EBF3: variants seen among roughly 807,000 people sequenced by gnomAD.
EBF3 encodes transcription factor COE3.
A neutral mutation model predicts 77.1 loss-of-function variants in EBF3; 18 were observed. The ratio of observed to expected loss-of-function variants is 0.23; its 90% CI spans 0.16 to 0.35. EBF3 has a LOEUF of 0.35. Ranked by LOEUF, EBF3 falls within the 10% of genes least tolerant of loss-of-function variation. EBF3 has a pLI of 1.00. For missense variants in EBF3, 558 were observed against 860.0 expected (o/e 0.65, Z 4.39); for synonymous variants, 350 against 343.5 (o/e 1.02, Z -0.21).
At chr10:129,840,189 CAT>C in intron 15 of EBF3, 54 bp downstream of exon 15, 221 of 1,470,598 alleles carry the variant, frequency 1.5e-4, no homozygotes, top group Non-Finnish European at 1.8e-4. Flanking sequence ...CCCCCACTCC[CAT>C]CCCCACCCCT....
At chr10:129,876,291 G>A (rs925659917) in intron 7 of EBF3, among the ~76,000 whole-genome samples, 8 of 152,216 alleles carry the variant, frequency 5.3e-5, no homozygotes, top group African/African-American at 1.4e-4. Flanking sequence ...TAGTAACTAC[G>A]GGGTCTGCAG....
At chr10:129,924,538 G>A (rs1423462250) in intron 6 of EBF3, among the ~76,000 whole-genome samples, 11 of 152,068 alleles carry the variant, frequency 7.2e-5, no homozygotes, top group African/African-American at 1.9e-4. Context: ...GAAACAGTGC[G>A]GGCCCTGTGG....
chr10:129,884,629 T>C (rs536870634), intron 6 of EBF3, among the ~76,000 whole-genome samples: 2 of 152,256 alleles, frequency 1.3e-5, no homozygotes, highest in African/African-American at 4.8e-5. Flanking sequence ...GCTTGAATTT[T>C]ACAGCTGTGC....
chr10:129,894,976 T>A (rs1167061229), intron 6 of EBF3, among the ~76,000 whole-genome samples: 4 of 152,164 alleles, frequency 2.6e-5, no homozygotes, highest in African/African-American at 7.2e-5. Context: ...GGGCACCTTC[T>A]GGGGCAAGGC....
chr10:129,922,685 C>T (rs1252229152), intron 6 of EBF3, among the ~76,000 whole-genome samples: 1 of 152,248 alleles, frequency 6.6e-6, no homozygotes, highest in African/African-American at 2.4e-5. Context: ...CCACAAGGAC[C>T]CTTCCCTAGG....
At chr10:129,937,274 A>T (rs1334217560) in intron 6 of EBF3, among the ~76,000 whole-genome samples, 1 of 152,118 alleles carries the variant, frequency 6.6e-6, no homozygotes, top group Non-Finnish European at 1.5e-5. Context: ...GTTTGAGCAG[A>T]GGGCAGGATG....
chr10:129,963,944 G>A lies in EBF3; in HGVS notation c.-176C>T, dbSNP rs1589976232. 1.8e-5 allele frequency: 19 copies of A among 1,051,046 alleles called. No homozygotes were observed. Among genetic ancestry groups the A allele is most frequent in the Non-Finnish European group, 1.9e-5 (17 of 874,632 alleles). 65.1% of individuals were successfully genotyped at this position (1,051,046 alleles called of 1,614,324 possible). On this transcript the variant is annotated 5_prime_UTR_variant, in exon 1 of 17. Transcript: ENST00000440978. The surrounding 1 kb of genome is among the most constrained non-coding windows in gnomAD (Gnocchi z 7.1). ...GCAGGCGCGACATACACCAGCGGCC[G>A]GGCGCTCCGGACGGCCAGGGGCGCG...
At chr10:129,962,148 T>C in intron 4 of EBF3, 23 bp downstream of exon 4, 1 of 1,613,922 alleles carries the variant, frequency 6.2e-7, no homozygotes. Flanking sequence ...TGAAAACTCG[T>C]GCAGAGGCAT....
In EBF3 at chr10:129,867,857, G is replaced by C. The variant is rs1277755354; in HGVS notation, c.837C>G (p.Ala279=). The C allele has an allele frequency of 6.2e-7, 1 of 1,614,222 alleles. No homozygotes were observed. Among genetic ancestry groups the C allele is most frequent in the Non-Finnish European group, 8.5e-7 (1 of 1,180,040 alleles). The change falls in exon 9 of 17, where the codon GCC becomes GCG. Residue 279 remains alanine (A), a synonymous_variant. Coordinates refer to ENST00000440978, the MANE Select transcript of EBF3 (RefSeq NM_001375380.1). ...SPSEGWTTGG[A]TVIIIGDNFF... ...AGTTGTCGCCAATTATGATGACGGT[G>C]GCACCCCCCGTGGTCCAGCCTTCAC... is the stretch of plus-strand genomic sequence containing the variant.
At chr10:129,889,978 G>GTTTTTTTTTTTTTTTTTTTTTTTTTTTT in intron 6 of EBF3, among the ~76,000 whole-genome samples, 1 of 49,360 alleles carries the variant, frequency 2.0e-5, no homozygotes, top group Non-Finnish European at 3.6e-5. Context: ...TTTTTTTTTG[G>GTTTTTTTTTTTTTTTTTTTTTTTTTTTT]TTATGAAGAG....
intron 10 of EBF3, among the ~76,000 whole-genome samples, chr10:129,860,579 T>A (rs777901462): frequency 6.6e-6 from 1 of 152,158 alleles, no homozygotes; most frequent in Non-Finnish European, 1.5e-5. Context: ...GGTGCAGACT[T>A]GGTCACAGCC....
At chr10:129,886,443 T>C (rs1036465843) in intron 6 of EBF3, among the ~76,000 whole-genome samples, 1 of 152,208 alleles carries the variant, frequency 6.6e-6, no homozygotes, top group Non-Finnish European at 1.5e-5. Context: ...GTACAGGTCA[T>C]CCATTACTCG....
In EBF3 at chr10:129,963,186, C is replaced by A; in HGVS notation, c.291+181G>T. On this transcript the variant is annotated intron_variant, in intron 2 of 16. Transcript: ENST00000440978. The surrounding 1 kb of genome is among the most constrained non-coding windows in gnomAD (Gnocchi z 7.1). ...AGCGTTCTCCTCGCCCCGAGTAAGT[C>A]CGAGGGCGCAGAGAAGTTGCCCAGC... 2 of 1,159,118 alleles carry A rather than the reference C, an allele frequency of 1.7e-6. No individual in the cohort carries two copies. The highest frequency in any genetic ancestry group is 2.4e-6 in the Non-Finnish European group (2 of 832,256). The allele number at this position is 1,159,118 out of a possible 1,614,324, so 71.8% of individuals were successfully genotyped here.
intron 6 of EBF3, among the ~76,000 whole-genome samples, chr10:129,953,789 A>G (rs1308350802): frequency 6.6e-6 from 1 of 152,188 alleles, no homozygotes; most frequent in Admixed American, 6.5e-5. Context: ...AAAGGAGTAT[A>G]CACCTTCCTG....
At position 129,933,990 on chromosome 10, in the gene EBF3, T is replaced by C. The variant is rs1055896335; in HGVS notation, c.554+23268A>G. On this transcript the variant is annotated intron_variant, in intron 6 of 16. Coordinates refer to ENST00000440978, the MANE Select transcript of EBF3 (RefSeq NM_001375380.1). ...ACCAAGGCCCTCTGCTCCTGCGCCC[T>C]GTCCAGGCTGGGCTTGCCAGATTTA... Among the ~76,000 whole-genome samples the C allele has an allele frequency of 4.6e-5, 7 of 152,214 alleles. No homozygotes were observed. The East Asian group carries it at 1.3e-3, about 29-fold the overall frequency.
At chr10:129,954,323 T>C (rs776172062) in intron 6 of EBF3, among the ~76,000 whole-genome samples, 4 of 152,190 alleles carry the variant, frequency 2.6e-5, no homozygotes, top group Non-Finnish European at 5.9e-5. Flanking sequence ...CTTGTTCCTC[T>C]AGCAATGTTT....
At chr10:129,957,070 A>G (rs1380349985) in intron 6 of EBF3, among the ~76,000 whole-genome samples, 188 bp downstream of exon 6, 1 of 152,232 alleles carries the variant, frequency 6.6e-6, no homozygotes, top group Non-Finnish European at 1.5e-5. Flanking sequence ...GAATCCCCAC[A>G]GAGCGAGCCA....
chr10:129,875,191 T>A (rs925322115), intron 7 of EBF3, among the ~76,000 whole-genome samples: 17 of 113,472 alleles, frequency 1.5e-4, no homozygotes, highest in African/African-American at 5.5e-4. Context: ...CTTCTTCTTT[T>A]TTTTTTTTTT....
chr10:129,962,285 C>G, intron 3 of EBF3, 59 bp from the exon 4 acceptor site: 1 of 1,533,162 alleles, frequency 6.5e-7, no homozygotes, highest in Non-Finnish European at 9.0e-7. Context: ...TCGGGGAGGG[C>G]ACACGGAGCA....
Sources: gnomAD v4.1 joint callset for allele counts (sites outside exome capture counted in the v4.1 genomes callset) on GRCh38, gnomAD v4.1.1 for gene constraint, Gnocchi (gnomAD v3.1) non-coding constraint, MANE v1.5 for transcripts, NCBI Gene and HGNC (gene_info 2026-07-23, HGNC 2026-07-21) for gene names.